The following COL5A1 variants were observed in gnomAD, a reference collection of about 807,000 sequenced individuals.
The protein encoded by COL5A1 is collagen type V alpha 1 chain.
Under a neutral mutation model 263.7 loss-of-function variants are expected in COL5A1, and 16 were observed. The observed-to-expected ratio is 0.06, with a 90% confidence interval of 0.04 to 0.09. The LOEUF (loss-of-function observed/expected upper bound fraction) is 0.09. COL5A1 is among the 10% of genes least tolerant of loss of function. The probability of loss-of-function intolerance (pLI) is 1.00; values close to 1 mark genes in which losing one functional copy is unlikely to be tolerated. For missense variants in COL5A1, 2,036 were observed against 2,540.5 expected, an observed-to-expected ratio of 0.80 and a Z score of 4.27; for synonymous variants, 1,012 against 1,004.5, an observed-to-expected ratio of 1.01 and a Z score of -0.14.
intron 1 of COL5A1, among the ~76,000 whole-genome samples, chr9:134,651,657 G>T (rs1446600450): frequency 1.3e-5 from 2 of 152,234 alleles, no homozygotes; most frequent in Non-Finnish European, 2.9e-5. Flanking sequence ...GGCCTGTTGT[G>T]GGGGTGACAG....
At chr9:134,693,279 C>T (rs1023654087) in intron 2 of COL5A1, among the ~76,000 whole-genome samples, 1 of 152,176 alleles carries the variant, frequency 6.6e-6, no homozygotes, top group East Asian at 1.9e-4. Flanking sequence ...GCCGAGATCG[C>T]GCCATTGCAC....
chr9:134,652,692 G>A lies in COL5A1; in HGVS notation c.109+10396G>A, dbSNP rs999592280. 8.7e-5 allele frequency: 41 copies of A among 470,800 alleles called. No individual in the cohort carries two copies. The highest frequency in any genetic ancestry group is 6.2e-4 in the African/African-American group (31 of 50,082). 29.2% of individuals were successfully genotyped at this position (470,800 alleles called of 1,614,324 possible). A position where few individuals can be genotyped will look rare whatever the true frequency, so the allele number is the denominator to read the frequency against. On this transcript the variant is annotated intron_variant, in intron 1 of 65. Transcript: ENST00000371817. The surrounding 1 kb of genome is among the most constrained non-coding windows in gnomAD (Gnocchi z 4.4). ...CGTGGGATAGAGGAAGCAAAGGTGA[G>A]ATTCCGTGGCCTCACCCCATGGTCT...
rs978518138 is a variant in COL5A1, at chr9:134,647,838, T to G, written c.109+5542T>G. ...CTCTCTCTCAGTGCTTTGCCAAGTG[T>G]CGGTTTTAAAGTTTCTGGCCTGGCT... On this transcript the variant is annotated intron_variant, in intron 1 of 65. Coordinates refer to ENST00000371817, the MANE Select transcript of COL5A1 (RefSeq NM_000093.5). The surrounding 1 kb of genome is among the most constrained non-coding windows in gnomAD (Gnocchi z 5.0). 6.6e-6 allele frequency among the ~76,000 whole-genome samples: 1 copy of G among 152,228 alleles called. No homozygotes were observed. The highest frequency in any genetic ancestry group is 6.5e-5 in the Admixed American group (1 of 15,280).
At chr9:134,734,236 C>G (rs1019763308) in intron 9 of COL5A1, among the ~76,000 whole-genome samples, 1 of 152,132 alleles carries the variant, frequency 6.6e-6, no homozygotes, top group Non-Finnish European at 1.5e-5. Flanking sequence ...CATCATGGCT[C>G]TGGAAAGTCC....
intron 39 of COL5A1, among the ~76,000 whole-genome samples, chr9:134,804,435 G>A (rs140750425): frequency 2.6e-5 from 4 of 152,304 alleles, no homozygotes; most frequent in Admixed American, 6.5e-5. Flanking sequence ...CATTTAGGAC[G>A]ATGCTTTTAA....
chr9:134,820,258 C>G (rs755695986), intron 58 of COL5A1, 35 bp downstream of exon 58: 4 of 1,555,808 alleles, frequency 2.6e-6, no homozygotes, highest in Non-Finnish European at 3.5e-6. Flanking sequence ...TGTGGGCTGT[C>G]GAGAGGCATT....
chr9:134,698,821 G>A (rs1185824981), intron 2 of COL5A1, among the ~76,000 whole-genome samples: 2 of 152,258 alleles, frequency 1.3e-5, no homozygotes, highest in Non-Finnish European at 1.5e-5. Flanking sequence ...TAAAGAAGGG[G>A]TGGGTCTGGT....
At chr9:134,826,580 G>GTGGA (rs10668122) in intron 63 of COL5A1, among the ~76,000 whole-genome samples, 108,152 of 149,464 alleles carry the variant, frequency 0.72, 39,088 homozygotes, top group South Asian at 0.8. Context: ...TAGATGCTGT[G>GTGGA]TGGTTTTGTA....
At chr9:134,733,967 C>T (rs1318447823) in intron 9 of COL5A1, among the ~76,000 whole-genome samples, 1 of 152,174 alleles carries the variant, frequency 6.6e-6, no homozygotes, top group Admixed American at 6.5e-5. Context: ...TGGGCAGGTG[C>T]CCCTGGCTCT....
chr9:134,744,859 A>G (rs184528023), intron 11 of COL5A1, among the ~76,000 whole-genome samples: 4 of 148,500 alleles, frequency 2.7e-5, no homozygotes, highest in Non-Finnish European at 4.5e-5. Context: ...ATGCACACAC[A>G]TTTACACACA....
chr9:134,738,597 A>T, intron 10 of COL5A1, 82 bp downstream of exon 10: 2 of 1,582,594 alleles, frequency 1.3e-6, no homozygotes, highest in Admixed American at 3.3e-5. Context: ...TGTCTCCTGG[A>T]TGGAAAAGAG....
chr9:134,808,445 C>T (rs117688063), intron 42 of COL5A1, among the ~76,000 whole-genome samples: 3,674 of 152,228 alleles, frequency 0.024, 71 homozygotes, highest in Non-Finnish European at 0.038. Context: ...ATAGTGTGTG[C>T]GTATGCCTGC....
At chr9:134,717,321 A>C (rs1269594268) in intron 4 of COL5A1, among the ~76,000 whole-genome samples, 1 of 152,248 alleles carries the variant, frequency 6.6e-6, no homozygotes, top group Non-Finnish European at 1.5e-5. Context: ...CGGGGAACGC[A>C]GTCGTGTTCT....
At position 134,842,567 on chromosome 9, in the gene COL5A1, C is replaced by G. The variant is rs1249968360; in HGVS notation, c.*264C>G. ...GGCCCGCCCCACGCTCTGTCCACAC[C>G]CACGCGCCCCGGGAGCGGGGCCATG... is the stretch of plus-strand genomic sequence containing the variant. On this transcript the variant is annotated 3_prime_UTR_variant, in exon 66 of 66. Coordinates refer to ENST00000371817, the MANE Select transcript of COL5A1 (RefSeq NM_000093.5). This position sits in a 1 kb window ranked among gnomAD's most constrained non-coding sequence, Gnocchi z 5.8. 3 of 579,260 alleles carry G rather than the reference C, an allele frequency of 5.2e-6. No individual in the cohort carries two copies. In the East Asian group the frequency reaches 8.7e-5, roughly 17 times the overall value. The allele number at this position is 579,260 out of a possible 1,614,324, so 35.9% of individuals were successfully genotyped here.
intron 17 of COL5A1, among the ~76,000 whole-genome samples, 163 bp downstream of exon 17, chr9:134,756,981 G>C (rs959766013): frequency 1.3e-5 from 2 of 152,092 alleles, no homozygotes; most frequent in Admixed American, 1.3e-4. Context: ...GGTGAATTTC[G>C]CCAGCAAGCG....
In COL5A1 at chr9:134,842,193, G is replaced by A. The variant is rs61729495; in HGVS notation, c.5407G>A (p.Asp1803Asn). ...KGYQKTVLEI[D>N]TPKVEQVPIV... ...CTACCAGAAGACGGTTCTGGAGATC[G>A]ACACCCCCAAAGTGGAGCAGGTGCC... is the stretch of plus-strand genomic sequence containing the variant. The change falls in exon 66 of 66, where the codon GAC becomes AAC. Residue 1803 changes from aspartate to asparagine, a missense_variant. By Grantham distance (23) the Asp-to-Asn change is conservative. Transcript: ENST00000371817. This position sits in a 1 kb window ranked among gnomAD's most constrained non-coding sequence, Gnocchi z 5.8. The A allele has an allele frequency of 6.8e-4, 1,094 of 1,613,872 alleles. 3 individuals are homozygous for A. In the African/African-American group the frequency reaches 0.013, roughly 19 times the overall value.
rs550750792 is a variant in COL5A1, at chr9:134,680,436, C to T, written c.110-10476C>T. ...GGGGACAGCAGGCCCCTTCCAGGTG[C>T]GAGCTCCCTGCCCGGCACACCTGTA... On this transcript the variant is annotated intron_variant, in intron 1 of 65. Transcript: ENST00000371817. This position sits in a 1 kb window ranked among gnomAD's most constrained non-coding sequence, Gnocchi z 5.9. Among the ~76,000 whole-genome samples, 2 of 152,286 alleles carry T rather than the reference C, an allele frequency of 1.3e-5. No individual in the cohort carries two copies. Among genetic ancestry groups the T allele is most frequent in the Non-Finnish European group, 2.9e-5 (2 of 68,024 alleles).
At chr9:134,828,587 C>A (rs1839402051) in intron 63 of COL5A1, among the ~76,000 whole-genome samples, 453 of 10,632 alleles carry the variant, frequency 0.043, 2 homozygotes, top group African/African-American at 0.11. Flanking sequence ...ATATACCACA[C>A]CACACATCAC....
intron 1 of COL5A1, among the ~76,000 whole-genome samples, chr9:134,688,461 G>A (rs1052957427): frequency 1.2e-4 from 18 of 152,220 alleles, no homozygotes; most frequent in African/African-American, 3.4e-4. Context: ...CCAGGGCTGC[G>A]CGGTGCAGCC....
Sources: gnomAD v4.1 joint callset for allele counts (sites outside exome capture counted in the v4.1 genomes callset) on GRCh38, gnomAD v4.1.1 for gene constraint, Gnocchi (gnomAD v3.1) non-coding constraint, MANE v1.5 for transcripts, NCBI Gene and HGNC (gene_info 2026-07-23, HGNC 2026-07-21) for gene names.